Variants in PACRG observed in about 807,000 individuals in gnomAD.
The protein encoded by PACRG is parkin coregulated gene protein.
In PACRG, 29 loss-of-function variants were observed where a neutral mutation model predicts 29.7. That is an observed-to-expected ratio of 0.98 (90% CI 0.73 to 1.33). PACRG has a LOEUF of 1.33. Ranked by LOEUF, PACRG falls within the 40% of genes most tolerant of loss-of-function variation. PACRG has a pLI of 0.00. For missense variants in PACRG, 279 were observed against 316.2 expected, an observed-to-expected ratio of 0.88 and a Z score of 0.89; for synonymous variants, 116 against 118.7, an observed-to-expected ratio of 0.98 and a Z score of 0.15.
At chr6:163,027,345 C>T (rs576471097) in intron 2 of PACRG, among the ~76,000 whole-genome samples, 17 of 152,160 alleles carry the variant, frequency 1.1e-4, no homozygotes, top group East Asian at 9.7e-4. Flanking sequence ...TACAATATTG[C>T]GTTCATTACA....
intron 2 of PACRG, among the ~76,000 whole-genome samples, chr6:162,910,308 A>G (rs1419477838): frequency 6.6e-6 from 1 of 152,222 alleles, no homozygotes; most frequent in Non-Finnish European, 1.5e-5. Flanking sequence ...AAGCCCTCAC[A>G]GTTTCAGCTG....
intron 2 of PACRG, among the ~76,000 whole-genome samples, chr6:163,008,213 C>T (rs1480044861): frequency 6.6e-6 from 1 of 152,142 alleles, no homozygotes; most frequent in Non-Finnish European, 1.5e-5. Context: ...CACGCACACA[C>T]TAAGACACAA....
intron 4 of PACRG, among the ~76,000 whole-genome samples, chr6:163,136,320 C>T (rs1299998124): frequency 6.6e-6 from 1 of 152,192 alleles, no homozygotes; most frequent in Non-Finnish European, 1.5e-5. Context: ...TATACAGTCC[C>T]TCCATCTCCT....
intron 4 of PACRG, 29 bp from the exon 5 acceptor site, chr6:163,314,798 T>A: frequency 6.2e-7 from 1 of 1,607,672 alleles, no homozygotes; most frequent in Non-Finnish European, 8.5e-7. Context: ...GAGAAGTAAC[T>A]GGCCTCTTTG....
intron 4 of PACRG, among the ~76,000 whole-genome samples, chr6:163,110,480 C>T (rs1815652798): frequency 6.6e-6 from 1 of 152,232 alleles, no homozygotes; most frequent in Non-Finnish European, 1.5e-5. Flanking sequence ...TCTGCATCCC[C>T]TCCACATGAG....
At chr6:163,249,981 C>T (rs555292408) in intron 4 of PACRG, among the ~76,000 whole-genome samples, 1 of 152,194 alleles carries the variant, frequency 6.6e-6, no homozygotes, top group African/African-American at 2.4e-5. Flanking sequence ...TGGTTCCCAC[C>T]GCAGGGAATG....
intron 1 of PACRG, among the ~76,000 whole-genome samples, chr6:162,773,214 T>G (rs932644570): frequency 2.7e-5 from 4 of 150,652 alleles, no homozygotes; most frequent in African/African-American, 9.7e-5. Context: ...AAGAGCAGAC[T>G]TTATTAAGAA....
At chr6:162,738,441 C>G (rs1780332660) in intron 1 of PACRG, among the ~76,000 whole-genome samples, 1 of 152,138 alleles carries the variant, frequency 6.6e-6, no homozygotes, top group Admixed American at 6.6e-5. Context: ...GTAACAGCAA[C>G]TGGGTACAAA....
At chr6:162,863,406 T>C (rs565858457) in intron 2 of PACRG, among the ~76,000 whole-genome samples, 59 of 152,372 alleles carry the variant, frequency 3.9e-4, no homozygotes, top group Non-Finnish European at 5.4e-4. Flanking sequence ...CACTGATATA[T>C]TTCAGAACAC....
intron 2 of PACRG, among the ~76,000 whole-genome samples, chr6:162,929,053 T>C (rs1797658927): frequency 1.3e-5 from 2 of 152,098 alleles, no homozygotes; most frequent in Non-Finnish European, 2.9e-5. Flanking sequence ...TGTTTGCCTA[T>C]TGTGAATAGT....
Position 163,208,668 on chromosome 6 carries a change from T to C in PACRG, c.614-106159T>C, listed in dbSNP as rs181357398. On this transcript the variant is annotated intron_variant, in intron 4 of 4. Transcript: ENST00000366888. ...AAAAAGAATGCTCAAATATTACTTATAATCCCCCAAGATATATCTTCTTTG... is the reference window on the plus strand; with the variant it reads ...AAAAAGAATGCTCAAATATTACTTACAATCCCCCAAGATATATCTTCTTTG... Among the ~76,000 whole-genome samples the C allele has an allele frequency of 2.9e-3, 440 of 152,318 alleles. 1 individual carries two copies. The highest frequency in any genetic ancestry group is 6.8e-3 in the Middle Eastern group (2 of 294).
At chr6:162,838,227 G>A (rs955725740) in intron 2 of PACRG, among the ~76,000 whole-genome samples, 16 of 152,132 alleles carry the variant, frequency 1.1e-4, no homozygotes, top group African/African-American at 3.9e-4. Context: ...GACATAGTAA[G>A]GCCATCTGTC....
chr6:163,136,058 G>A (rs1816924906), intron 4 of PACRG, among the ~76,000 whole-genome samples: 1 of 152,066 alleles, frequency 6.6e-6, no homozygotes, highest in Non-Finnish European at 1.5e-5. Context: ...TAGTTTTTGT[G>A]CCTATTTATT....
intron 1 of PACRG, among the ~76,000 whole-genome samples, chr6:162,773,461 A>G (rs1459106365): frequency 6.7e-6 from 1 of 149,278 alleles, no homozygotes; most frequent in Non-Finnish European, 1.5e-5. Flanking sequence ...AAGAAAATAT[A>G]AATTTAGATA....
intron 2 of PACRG, among the ~76,000 whole-genome samples, chr6:163,029,325 T>C (rs1807441421): frequency 6.6e-6 from 1 of 152,198 alleles, no homozygotes; most frequent in African/African-American, 2.4e-5. Context: ...TGTGTTGTTT[T>C]AATATACTAA....
intron 1 of PACRG, among the ~76,000 whole-genome samples, chr6:162,770,924 A>AT (rs1285014614): frequency 2.6e-5 from 4 of 152,056 alleles, no homozygotes; most frequent in Non-Finnish European, 5.9e-5. Context: ...AAATTTAGGT[A>AT]TTTTTTGTTG....
intron 2 of PACRG, among the ~76,000 whole-genome samples, chr6:162,988,632 T>C (rs1482869431): frequency 6.6e-6 from 1 of 152,172 alleles, no homozygotes; most frequent in African/African-American, 2.4e-5. Flanking sequence ...TTTAATGAGG[T>C]AATCCTGTTT....
At chr6:163,199,563 A>T (rs1405849984) in intron 4 of PACRG, among the ~76,000 whole-genome samples, 1 of 152,214 alleles carries the variant, frequency 6.6e-6, no homozygotes, top group African/African-American at 2.4e-5. Flanking sequence ...CTGATCCCAG[A>T]TTCAAACTCA....
chr6:163,261,134 C>T (rs894802210), intron 4 of PACRG, among the ~76,000 whole-genome samples: 1 of 152,108 alleles, frequency 6.6e-6, no homozygotes, highest in African/African-American at 2.4e-5. Context: ...TCCCTCCTCC[C>T]TCTGTCTTCC....
Sources: allele counts gnomAD v4.1 joint callset (sites outside exome capture counted in the v4.1 genomes callset), GRCh38; gene constraint gnomAD v4.1.1; transcripts MANE v1.5; gene names NCBI Gene and HGNC (gene_info 2026-07-23, HGNC 2026-07-21).